Variants in CPEB1 observed in about 807,000 individuals in gnomAD.
CPEB1 encodes the protein cytoplasmic polyadenylation element-binding protein 1.
In CPEB1, 7 loss-of-function variants were observed where a neutral mutation model predicts 65.8. The observed-to-expected ratio is 0.11, with a 90% CI of 0.06 to 0.20. The LOEUF is 0.20. CPEB1 is among the 10% of genes least tolerant of loss of function. CPEB1 has a pLI of 1.00. For synonymous variants in CPEB1, 262 were observed against 260.0 expected (o/e 1.01, Z -0.08); for missense variants, 551 against 712.2 (o/e 0.77, Z 2.58).
intron 1 of CPEB1, chr15:82,637,936 C>A (rs1411393973): frequency 1.1e-5 from 5 of 443,698 alleles, no homozygotes; most frequent in African/African-American, 2.0e-5. Flanking sequence ...TTAAAAAAAC[C>A]TATTACATAT....
chr15:82,588,427 T>A (rs2041972216), intron 3 of CPEB1, among the ~76,000 whole-genome samples: 1 of 152,216 alleles, frequency 6.6e-6, no homozygotes, highest in African/African-American at 2.4e-5. Context: ...AAAAAATATA[T>A]GCACAAATGG....
intron 1 of CPEB1, among the ~76,000 whole-genome samples, chr15:82,631,230 T>C (rs1316103560): frequency 6.6e-6 from 1 of 152,124 alleles, no homozygotes; most frequent in African/African-American, 2.4e-5. Flanking sequence ...CCTAATCCTG[T>C]TAGGAACATA....
Position 82,646,993 on chromosome 15 carries a change from G to C in CPEB1, c.-98+144C>G, listed in dbSNP as rs368192893. The stretch of plus-strand genomic sequence containing the variant: ...GGCCTCGTCCGGCACTGAGGAGAAT[G>C]ACCAGAACGCCAGGCCACATGCACC... On this transcript the variant is annotated intron_variant, in intron 1 of 12. Transcript: ENST00000684509. The C allele has an allele frequency of 3.9e-5, 6 of 152,712 alleles. No individual in the cohort carries two copies. In the East Asian group the frequency reaches 5.8e-4, roughly 15 times the overall value. 9.5% of individuals were successfully genotyped at this position (152,712 alleles called of 1,614,324 possible). A position where few individuals can be genotyped will look rare whatever the true frequency, so the allele number is the denominator to read the frequency against.
At chr15:82,545,828 G>A (rs943911134) in intron 12 of CPEB1, among the ~76,000 whole-genome samples, 6 of 152,164 alleles carry the variant, frequency 3.9e-5, no homozygotes, top group Non-Finnish European at 5.9e-5. Context: ...TTAGGCAGCT[G>A]AGCCTGGCTC....
intron 3 of CPEB1, among the ~76,000 whole-genome samples, chr15:82,597,424 C>T (rs772996024): frequency 2.0e-5 from 3 of 152,138 alleles, no homozygotes; most frequent in East Asian, 1.9e-4. Context: ...TTAAGCATTT[C>T]GTGGGGCAGG....
At chr15:82,641,036 G>C (rs757476050) in intron 1 of CPEB1, among the ~76,000 whole-genome samples, 4 of 152,112 alleles carry the variant, frequency 2.6e-5, no homozygotes, top group Non-Finnish European at 5.9e-5. Flanking sequence ...AGAAAACGTG[G>C]GTTCAAGTTC....
intron 1 of CPEB1, among the ~76,000 whole-genome samples, chr15:82,632,832 A>G (rs2046375349): frequency 6.6e-6 from 1 of 151,814 alleles, no homozygotes; most frequent in Non-Finnish European, 1.5e-5. Flanking sequence ...TCTAGCCAAT[A>G]CTGATCCTTT....
intron 10 of CPEB1, among the ~76,000 whole-genome samples, chr15:82,549,046 C>G (rs1461651815): frequency 1.3e-5 from 2 of 152,248 alleles, no homozygotes; most frequent in East Asian, 1.9e-4. Flanking sequence ...CCAGCCTGAC[C>G]TGGTCTCTGA....
At chr15:82,587,098 T>A (rs559073756) in intron 3 of CPEB1, among the ~76,000 whole-genome samples, 5 of 152,290 alleles carry the variant, frequency 3.3e-5, no homozygotes, top group Admixed American at 1.3e-4. Context: ...GTTCTACTTA[T>A]AAAGAAAATG....
At chr15:82,646,984 G>A (rs2047616769) in intron 1 of CPEB1, 153 bp downstream of exon 1, 1 of 152,686 alleles carries the variant, frequency 6.5e-6, no homozygotes. Context: ...GTCCGGCACT[G>A]AGGAGAATGA....
chr15:82,647,586 G>A (rs587632469), upstream of CPEB1: 4 of 319,902 alleles, frequency 1.3e-5, no homozygotes, highest in African/African-American at 4.3e-5. Flanking sequence ...AGGCCGCAGT[G>A]CGGCTCGGAG....
chr15:82,555,432 G>C (rs1400273245), intron 6 of CPEB1, among the ~76,000 whole-genome samples: 1 of 152,204 alleles, frequency 6.6e-6, no homozygotes, highest in Non-Finnish European at 1.5e-5. Context: ...CAATCAGAAA[G>C]CCTCAGGGAA....
At chr15:82,608,997 T>C (rs796616778) in intron 3 of CPEB1, among the ~76,000 whole-genome samples, 3 of 152,280 alleles carry the variant, frequency 2.0e-5, no homozygotes, top group Admixed American at 6.5e-5. Context: ...AAGTACATTC[T>C]GCAACCACAA....
chr15:82,643,265 T>C (rs961014297), intron 1 of CPEB1, among the ~76,000 whole-genome samples: 1 of 152,206 alleles, frequency 6.6e-6, no homozygotes, highest in Non-Finnish European at 1.5e-5. Flanking sequence ...ATCTAGCTTG[T>C]GTCTGAGTTT....
intron 4 of CPEB1, among the ~76,000 whole-genome samples, chr15:82,563,901 A>G (rs2038666973): frequency 6.6e-6 from 1 of 152,138 alleles, no homozygotes; most frequent in African/African-American, 2.4e-5. Flanking sequence ...AAGGTAACTT[A>G]TCTAATCAGC....
At chr15:82,631,493 G>A (rs908923153) in intron 1 of CPEB1, among the ~76,000 whole-genome samples, 5 of 152,116 alleles carry the variant, frequency 3.3e-5, no homozygotes, top group African/African-American at 1.2e-4. Flanking sequence ...GTACAATAGG[G>A]ATAAAAGTAA....
intron 1 of CPEB1, chr15:82,637,912 AG>A (rs1204501914): frequency 2.4e-6 from 1 of 424,322 alleles, no homozygotes; most frequent in Admixed American, 2.6e-5. Context: ...AAAAAGGGGT[AG>A]ATTTATTAAC....
intron 3 of CPEB1, among the ~76,000 whole-genome samples, chr15:82,601,811 A>G (rs1183535355): frequency 6.6e-6 from 1 of 152,250 alleles, no homozygotes; most frequent in Non-Finnish European, 1.5e-5. Context: ...ATCAATCTAC[A>G]AAGAAGATAT....
chr15:82,553,415 G>A lies in CPEB1; in HGVS notation c.1144+52C>T, dbSNP rs575683024. The stretch of plus-strand genomic sequence containing the variant: ...ACCCCTAGGTGCAGTTATGTACTAG[G>A]GAAGGGAAAAAAAAGCTCCTACCAT... On this transcript the variant is annotated intron_variant, in intron 8 of 12. Coordinates refer to ENST00000684509, the MANE Select transcript of CPEB1 (RefSeq NM_001365242.1). The A allele has an allele frequency of 5.7e-6, 8 of 1,402,104 alleles. No individual in the cohort carries two copies. In the South Asian group the frequency reaches 8.2e-5, roughly 14 times the overall value. 86.9% of individuals were successfully genotyped at this position (1,402,104 alleles called of 1,614,324 possible).
Sources: allele counts gnomAD v4.1 joint callset (sites outside exome capture counted in the v4.1 genomes callset), GRCh38; gene constraint gnomAD v4.1.1; transcripts MANE v1.5; gene names NCBI Gene and HGNC (gene_info 2026-07-23, HGNC 2026-07-21).